Variants in DPH6 observed in about 807,000 individuals in gnomAD.
DPH6 encodes diphthamine biosynthesis 6.
In DPH6, 33 loss-of-function variants were observed where a neutral mutation model predicts 38.2. The observed-to-expected ratio is 0.86, with a 90% CI of 0.65 to 1.15. The LOEUF is 1.15. Among genes scored for constraint, DPH6 ranks in the 50% most tolerant of loss-of-function variants. The pLI is 0.00. For missense variants in DPH6, 325 were observed against 320.0 expected (o/e 1.02, Z -0.12); for synonymous variants, 108 against 103.0 (o/e 1.05, Z -0.30).
At chr15:35,505,687 G>A (rs910530302) in intron 3 of DPH6, among the ~76,000 whole-genome samples, 2 of 151,936 alleles carry the variant, frequency 1.3e-5, no homozygotes, top group African/African-American at 4.8e-5. Context: ...TACGTGTAAT[G>A]AAAAATTACA....
chr15:35,353,945 TTTTA>T (rs909433207), intron 3 of DPH6, among the ~76,000 whole-genome samples: 1 of 152,190 alleles, frequency 6.6e-6, no homozygotes, highest in African/African-American at 2.4e-5. Context: ...TTGTGTCCTC[TTTTA>T]TTTTGTTGAG....
chr15:35,177,196 G>A, the DPH6 span, among the ~76,000 whole-genome samples: 4 of 152,096 alleles, frequency 2.6e-5, no homozygotes, highest in Non-Finnish European at 4.4e-5. Flanking sequence ...GACTTATGGA[G>A]AAAAGAGGTG....
chr15:35,524,853 T>C (rs1300820619), intron 3 of DPH6, among the ~76,000 whole-genome samples: 1 of 152,098 alleles, frequency 6.6e-6, no homozygotes, highest in African/African-American at 2.4e-5. Flanking sequence ...ACAGCGTTCA[T>C]GCAATAAAAA....
At chr15:35,145,884 T>C in the DPH6 span, among the ~76,000 whole-genome samples, 2 of 152,222 alleles carry the variant, frequency 1.3e-5, no homozygotes, top group Non-Finnish European at 2.9e-5. Context: ...TTCTCTTAAA[T>C]AGCTTCATTT....
chr15:35,300,137 C>G (rs1294836917), intron 3 of DPH6, among the ~76,000 whole-genome samples: 2 of 152,064 alleles, frequency 1.3e-5, no homozygotes, highest in East Asian at 3.9e-4. Flanking sequence ...CAAATGAGAA[C>G]AAGCTTGGCA....
intron 5 of DPH6, among the ~76,000 whole-genome samples, chr15:35,422,343 C>A (rs915625344): frequency 6.6e-6 from 1 of 151,832 alleles, no homozygotes; most frequent in Non-Finnish European, 1.5e-5. Flanking sequence ...TTGAGGAATA[C>A]CAGATTCTAA....
intron 5 of DPH6, among the ~76,000 whole-genome samples, chr15:35,447,701 A>G (rs1215998296): frequency 6.6e-6 from 1 of 152,144 alleles, no homozygotes; most frequent in African/African-American, 2.4e-5. Context: ...TGCACTGTCA[A>G]TGTAATGTAT....
intron 3 of DPH6, among the ~76,000 whole-genome samples, chr15:35,475,635 A>G (rs2054255081): frequency 6.6e-6 from 1 of 151,898 alleles, no homozygotes; most frequent in Admixed American, 6.6e-5. Flanking sequence ...TTGCTAAAGA[A>G]ATTGAAAATT....
intron 3 of DPH6, among the ~76,000 whole-genome samples, chr15:35,470,447 G>C (rs1030810402): frequency 6.6e-6 from 1 of 152,248 alleles, no homozygotes; most frequent in South Asian, 2.1e-4. Context: ...TTAATAAATT[G>C]CTGTTGACGG....
the DPH6 span, among the ~76,000 whole-genome samples, chr15:35,154,603 T>C: frequency 1.3e-5 from 2 of 152,196 alleles, no homozygotes; most frequent in African/African-American, 4.8e-5. Context: ...AATAAAAAAA[T>C]GTTCTCTCCA....
intron 3 of DPH6, among the ~76,000 whole-genome samples, chr15:35,475,739 C>T (rs530092077): frequency 1.3e-5 from 2 of 150,704 alleles, no homozygotes; most frequent in South Asian, 2.1e-4. Context: ...CCAGAGGGAC[C>T]AGAAAGTAAT....
At chr15:35,447,936 T>A (rs2053877627) in intron 5 of DPH6, among the ~76,000 whole-genome samples, 1 of 152,228 alleles carries the variant, frequency 6.6e-6, no homozygotes, top group South Asian at 2.1e-4. Context: ...ATAGTCAATG[T>A]TACTACACCA....
chr15:35,432,905 T>C (rs2053650001), intron 5 of DPH6, among the ~76,000 whole-genome samples: 1 of 152,184 alleles, frequency 6.6e-6, no homozygotes, highest in South Asian at 2.1e-4. Flanking sequence ...TGTCAGGTAC[T>C]GAGCTCACTA....
At chr15:35,253,335 T>C (rs1462869066) in intron 3 of DPH6, among the ~76,000 whole-genome samples, 4 of 152,198 alleles carry the variant, frequency 2.6e-5, no homozygotes, top group Non-Finnish European at 5.9e-5. Context: ...GTATAGACCA[T>C]TTTTTTCGGC....
the DPH6 span, among the ~76,000 whole-genome samples, chr15:35,146,240 T>C: frequency 6.6e-6 from 1 of 152,180 alleles, no homozygotes; most frequent in Non-Finnish European, 1.5e-5. Context: ...TAAGGAAGAA[T>C]TTTAAAAGTT....
intron 1 of DPH6, among the ~76,000 whole-genome samples, chr15:35,542,726 A>T (rs1031557004): frequency 6.6e-6 from 1 of 150,952 alleles, no homozygotes; most frequent in African/African-American, 2.4e-5. Flanking sequence ...CTATATATAT[A>T]TAAGAATATT....
At chr15:35,391,804 C>A (rs959719460) in intron 6 of DPH6, among the ~76,000 whole-genome samples, 3 of 152,194 alleles carry the variant, frequency 2.0e-5, no homozygotes, top group Non-Finnish European at 4.4e-5. Context: ...TGAGGTGATG[C>A]CTCGCCCTGC....
intron 6 of DPH6, among the ~76,000 whole-genome samples, chr15:35,406,011 ACGCACGTAT>A: frequency 6.6e-6 from 1 of 152,146 alleles, no homozygotes; most frequent in South Asian, 2.1e-4. Context: ...TTTATTTTTC[ACGCACGTAT>A]CGCATGTTTT....
intron 3 of DPH6, among the ~76,000 whole-genome samples, chr15:35,253,165 A>T (rs986958298): frequency 2.0e-5 from 3 of 152,230 alleles, no homozygotes; most frequent in Non-Finnish European, 4.4e-5. Flanking sequence ...AGAACAGAAA[A>T]ATATTAATTA....
Sources: gnomAD v4.1 joint callset for allele counts (sites outside exome capture counted in the v4.1 genomes callset) on GRCh38, gnomAD v4.1.1 for gene constraint, MANE v1.5 for transcripts, NCBI Gene and HGNC (gene_info 2026-07-23, HGNC 2026-07-21) for gene names.